Variants in ARHGAP42 observed in about 807,000 individuals in gnomAD.
ARHGAP42 encodes the protein rho GTPase-activating protein 42.
In ARHGAP42, 63 loss-of-function variants were observed where a neutral mutation model predicts 125.0. The observed-to-expected ratio is 0.50, with a 90% CI of 0.41 to 0.62. ARHGAP42 has a LOEUF of 0.62. Among genes scored for constraint, ARHGAP42 ranks in the 20% least tolerant of loss-of-function variants. The pLI, the probability that ARHGAP42 is intolerant of heterozygous loss-of-function variation, is 0.00. For missense variants in ARHGAP42, 766 were observed against 1,024.2 expected (o/e 0.75, Z 3.44); for synonymous variants, 339 against 351.0 (o/e 0.97, Z 0.38).
intron 3 of ARHGAP42, among the ~76,000 whole-genome samples, chr11:100,825,815 G>T (rs1591213051): frequency 6.6e-6 from 1 of 152,250 alleles, no homozygotes; most frequent in East Asian, 1.9e-4. Flanking sequence ...TGTGTTTTAT[G>T]ACTCCAATTT....
At chr11:100,952,721 C>T (rs1259909990) in intron 12 of ARHGAP42, among the ~76,000 whole-genome samples, 3 of 122,822 alleles carry the variant, frequency 2.4e-5, no homozygotes, top group African/African-American at 9.2e-5. Context: ...ATTACTAATT[C>T]ACCTAAGTCA....
intron 2 of ARHGAP42, among the ~76,000 whole-genome samples, chr11:100,771,869 G>A (rs1862989249): frequency 6.6e-6 from 1 of 152,074 alleles, no homozygotes; most frequent in Non-Finnish European, 1.5e-5. Flanking sequence ...CAAAGTGCTA[G>A]GATTACAGAC....
At chr11:100,855,966 T>G (rs1859209706) in intron 3 of ARHGAP42, among the ~76,000 whole-genome samples, 1 of 152,108 alleles carries the variant, frequency 6.6e-6, no homozygotes, top group Admixed American at 6.6e-5. Context: ...CAATAATTTA[T>G]CTTATCAATA....
chr11:100,936,433 T>C (rs1052539720), intron 8 of ARHGAP42, 101 bp downstream of exon 8: 1 of 1,434,604 alleles, frequency 7.0e-7, no homozygotes, highest in African/African-American at 1.4e-5. Context: ...GGACTGAAAT[T>C]TCTTATAGCT....
chr11:100,903,138 C>T (rs1866604137), intron 4 of ARHGAP42, among the ~76,000 whole-genome samples: 1 of 151,614 alleles, frequency 6.6e-6, no homozygotes, highest in Non-Finnish European at 1.5e-5. Context: ...CACACACACA[C>T]ACACACACAC....
At chr11:100,892,602 A>G (rs1016234324) in intron 4 of ARHGAP42, among the ~76,000 whole-genome samples, 1 of 152,178 alleles carries the variant, frequency 6.6e-6, no homozygotes, top group Non-Finnish European at 1.5e-5. Context: ...TCTAGAGCCA[A>G]ATGAAGATAG....
intron 1 of ARHGAP42, among the ~76,000 whole-genome samples, chr11:100,718,847 G>C (rs528342595): frequency 7.2e-5 from 11 of 152,040 alleles, no homozygotes; most frequent in Non-Finnish European, 1.6e-4. Context: ...TTATGTAATG[G>C]TTCAGTACTT....
intron 3 of ARHGAP42, among the ~76,000 whole-genome samples, chr11:100,858,745 G>T (rs1252285743): frequency 6.6e-6 from 1 of 152,010 alleles, no homozygotes; most frequent in African/African-American, 2.4e-5. Context: ...ATTATGTTCA[G>T]TTGTCATAGT....
rs1047883372 is a variant in ARHGAP42 at position 100,965,700 on chromosome 11, G to T, written c.1474G>T (p.Ala492Ser). 2 of 1,550,572 alleles carry T rather than the reference G, an allele frequency of 1.3e-6. No individual in the cohort carries two copies. The highest frequency in any genetic ancestry group is 1.7e-6 in the Non-Finnish European group (2 of 1,146,890). ...KSDDQNYRVEAVHALVHKLPE... is the reference protein window; with the variant it reads ...KSDDQNYRVESVHALVHKLPE... ...TGATGATCAAAACTACAGGGTGGAGGCTGTACATGCATTGGTGCACAAATT... is the reference window on the plus strand; with the variant it reads ...TGATGATCAAAACTACAGGGTGGAGTCTGTACATGCATTGGTGCACAAATT... Residue 492 changes from alanine (A) to serine (S), a missense_variant, in exon 17 of 24, where the codon GCT becomes TCT. Ala to Ser is a moderately conservative substitution (Grantham distance 99, BLOSUM62 1). This residue lies in a region of ARHGAP42 where 455 missense variants were observed against 636.5 expected (regional missense o/e 0.71). Coordinates refer to ENST00000298815, the MANE Select transcript of ARHGAP42 (RefSeq NM_152432.4).
At chr11:100,899,343 A>G (rs535460884) in intron 4 of ARHGAP42, among the ~76,000 whole-genome samples, 1 of 152,300 alleles carries the variant, frequency 6.6e-6, no homozygotes, top group Non-Finnish European at 1.5e-5. Flanking sequence ...AGAGTTCTGG[A>G]GATGTCTATT....
At chr11:100,701,162 T>C (rs1861389851) in intron 1 of ARHGAP42, among the ~76,000 whole-genome samples, 2 of 150,716 alleles carry the variant, frequency 1.3e-5, no homozygotes, top group African/African-American at 4.9e-5. Flanking sequence ...TTTTTTTTTC[T>C]GAGCAATAGG....
intron 6 of ARHGAP42, among the ~76,000 whole-genome samples, chr11:100,928,070 A>C (rs895190221): frequency 3.3e-5 from 5 of 152,188 alleles, no homozygotes; most frequent in Non-Finnish European, 5.9e-5. Context: ...GTATCCTTTA[A>C]GATGTTTATC....
intron 2 of ARHGAP42, among the ~76,000 whole-genome samples, chr11:100,781,301 A>G (rs575067164): frequency 2.6e-5 from 4 of 151,442 alleles, no homozygotes; most frequent in African/African-American, 7.3e-5. Context: ...TTTTTTCTGA[A>G]TGATCGGAAA....
At chr11:100,806,863 T>TTATTTATG (rs1265633232) in intron 3 of ARHGAP42, among the ~76,000 whole-genome samples, 1 of 141,774 alleles carries the variant, frequency 7.1e-6, no homozygotes, top group East Asian at 2.1e-4. Context: ...ATTTATTTAT[T>TTATTTATG]TTTGGGACAA....
At chr11:100,729,619 T>G (rs895897553) in intron 1 of ARHGAP42, among the ~76,000 whole-genome samples, 1 of 152,154 alleles carries the variant, frequency 6.6e-6, no homozygotes, top group Admixed American at 6.6e-5. Flanking sequence ...TGTACCTAAT[T>G]TGCATAGATA....
chr11:100,693,156 G>A (rs551682909), intron 1 of ARHGAP42, among the ~76,000 whole-genome samples: 9 of 148,278 alleles, frequency 6.1e-5, no homozygotes, highest in African/African-American at 1.5e-4. Flanking sequence ...AAATTTGCAC[G>A]TAGGTTTTTT....
At chr11:100,722,917 G>C (rs368135706) in intron 1 of ARHGAP42, among the ~76,000 whole-genome samples, 13 of 152,282 alleles carry the variant, frequency 8.5e-5, no homozygotes, top group African/African-American at 2.6e-4. Flanking sequence ...ATCTTGTTAG[G>C]AGTATTATGG....
chr11:100,957,918 T>G (rs514403), intron 12 of ARHGAP42, among the ~76,000 whole-genome samples: 1 of 151,922 alleles, frequency 6.6e-6, no homozygotes, highest in Non-Finnish European at 1.5e-5. Flanking sequence ...TTTATGTCAC[T>G]ACTATCTTCA....
intron 4 of ARHGAP42, among the ~76,000 whole-genome samples, chr11:100,910,243 C>T (rs1866872147): frequency 6.6e-6 from 1 of 152,094 alleles, no homozygotes; most frequent in Non-Finnish European, 1.5e-5. Context: ...TCTTTATCTG[C>T]ATAGACATAT....
Sources: gnomAD v4.1 joint callset for allele counts (sites outside exome capture counted in the v4.1 genomes callset) on GRCh38, gnomAD v4.1.1 for gene constraint, gnomAD v4.1.1 regional missense constraint, MANE v1.5 for transcripts, NCBI Gene and HGNC (gene_info 2026-07-23, HGNC 2026-07-21) for gene names.